Variants in PPP6R3 observed in about 807,000 individuals in gnomAD.
PPP6R3 encodes protein phosphatase 6 regulatory subunit 3, also known as serine/threonine-protein phosphatase 6 regulatory subunit 3.
In PPP6R3, 38 loss-of-function variants were observed where a neutral mutation model predicts 110.7. The ratio of observed to expected loss-of-function variants is 0.34; its 90% CI spans 0.26 to 0.45. PPP6R3 has a LOEUF of 0.45. Ranked by LOEUF, PPP6R3 falls within the 20% of genes least tolerant of loss-of-function variation. PPP6R3 has a pLI of 1.00. For missense variants in PPP6R3, 870 were observed against 1,062.4 expected (o/e 0.82, Z 2.52); for synonymous variants, 369 against 373.5 (o/e 0.99, Z 0.14).
At chr11:68,488,514 C>G (rs1024684372) in intron 1 of PPP6R3, 2 of 152,020 alleles carry the variant, frequency 1.3e-5, no homozygotes, top group Non-Finnish European at 2.9e-5. Context: ...TTTAAAGTGG[C>G]TTTGTTTTCT....
intron 19 of PPP6R3, among the ~76,000 whole-genome samples, chr11:68,596,847 C>T (rs1410620480): frequency 1.3e-5 from 2 of 152,208 alleles, no homozygotes; most frequent in African/African-American, 4.8e-5. Context: ...TGGCCAGTCT[C>T]TGATTGCCCT....
chr11:68,488,370 C>T (rs565967896), intron 1 of PPP6R3, among the ~76,000 whole-genome samples: 3 of 152,240 alleles, frequency 2.0e-5, no homozygotes, highest in South Asian at 2.1e-4. Flanking sequence ...GATGGTGTCT[C>T]GCTGTGTTTC....
intron 3 of PPP6R3, among the ~76,000 whole-genome samples, chr11:68,539,381 C>G (rs545073816): frequency 1.3e-5 from 2 of 152,306 alleles, no homozygotes; most frequent in South Asian, 4.2e-4. Flanking sequence ...CACAAAAGTA[C>G]TGCGCACCCC....
intron 14 of PPP6R3, among the ~76,000 whole-genome samples, chr11:68,578,526 C>G (rs1017178390): frequency 6.6e-6 from 1 of 152,190 alleles, no homozygotes; most frequent in Non-Finnish European, 1.5e-5. Flanking sequence ...CAGGTATATT[C>G]ATAGAAGTGG....
At chr11:68,523,265 G>A (rs1448206036) in intron 2 of PPP6R3, among the ~76,000 whole-genome samples, 1 of 152,162 alleles carries the variant, frequency 6.6e-6, no homozygotes, top group Non-Finnish European at 1.5e-5. Flanking sequence ...TCTGCCTCAT[G>A]CCTTCCTCTG....
Position 68,614,696 on chromosome 11 carries a change from A to AGG in PPP6R3, c.*1581_*1582dup, listed in dbSNP as rs770058779. ...GCAGTAAGCCCTGGGACAGGTGGCA[A>AGG]GGGTGGGTCCCTTGACCTTTGCACG... On this transcript the variant is annotated 3_prime_UTR_variant, in exon 24 of 24. Transcript: ENST00000393800. 2 of 1,525,482 alleles carry AGG rather than the reference A, an allele frequency of 1.3e-6. No homozygotes were observed. 94.5% of individuals were successfully genotyped at this position (1,525,482 alleles called of 1,614,324 possible).
At chr11:68,562,562 T>C (rs1471540986) in intron 8 of PPP6R3, among the ~76,000 whole-genome samples, 3 of 152,178 alleles carry the variant, frequency 2.0e-5, no homozygotes, top group East Asian at 1.9e-4. Context: ...GGTGAAAGAA[T>C]AGACATACAG....
chr11:68,538,526 C>T (rs904131483), intron 3 of PPP6R3, among the ~76,000 whole-genome samples: 1 of 152,096 alleles, frequency 6.6e-6, no homozygotes, highest in African/African-American at 2.4e-5. Context: ...CTCTTTTCCC[C>T]CCAGAAAATA....
At chr11:68,605,061 C>T (rs1468262404) in intron 22 of PPP6R3, among the ~76,000 whole-genome samples, 4 of 152,074 alleles carry the variant, frequency 2.6e-5, no homozygotes, top group South Asian at 2.1e-4. Flanking sequence ...TAAAGCTGGC[C>T]GAGTGTGGTG....
chr11:68,548,657 A>G (rs2099358704), intron 5 of PPP6R3, among the ~76,000 whole-genome samples: 2 of 152,184 alleles, frequency 1.3e-5, no homozygotes, highest in South Asian at 4.1e-4. Context: ...CAGGCTTCAG[A>G]AGTAATTCTC....
intron 16 of PPP6R3, among the ~76,000 whole-genome samples, chr11:68,588,715 G>C (rs1286599782): frequency 6.7e-6 from 1 of 149,914 alleles, no homozygotes; most frequent in African/African-American, 2.5e-5. Flanking sequence ...ATAGTGCTGG[G>C]ATTACAGGCG....
Position 68,615,045 on chromosome 11 carries a change from G to A in PPP6R3, c.*1928G>A, listed in dbSNP as rs59291393. ...CTTCTCCATCCTACCCAAGGTAACAGTGTCTTGCTTCATCCCACTGACTGC... is the reference window on the plus strand; with the variant it reads ...CTTCTCCATCCTACCCAAGGTAACAATGTCTTGCTTCATCCCACTGACTGC... On this transcript the variant is annotated 3_prime_UTR_variant, in exon 24 of 24. Transcript: ENST00000393800. 8.0e-4 allele frequency: 392 copies of A among 491,194 alleles called. 1 individual carries two copies. The highest frequency in any genetic ancestry group is 6.8e-3 in the African/African-American group (354 of 51,740). The allele number at this position is 491,194 out of a possible 1,614,324, so 30.4% of individuals were successfully genotyped here.
At chr11:68,581,576 T>C (rs1593530669) in intron 14 of PPP6R3, among the ~76,000 whole-genome samples, 1 of 152,240 alleles carries the variant, frequency 6.6e-6, no homozygotes, top group Non-Finnish European at 1.5e-5. Flanking sequence ...GCCAGCCAAG[T>C]GGCCCGAAGC....
intron 1 of PPP6R3, among the ~76,000 whole-genome samples, chr11:68,516,082 ACATTTTTGT>A (rs1407164015): frequency 6.6e-6 from 1 of 152,170 alleles, no homozygotes; most frequent in Non-Finnish European, 1.5e-5. Context: ...TATTCAAAAT[ACATTTTTGT>A]CATTTTTGTG....
At chr11:68,531,316 T>TTTATTTAC (rs2099238578) in intron 2 of PPP6R3, among the ~76,000 whole-genome samples, 1 of 143,704 alleles carries the variant, frequency 7.0e-6, no homozygotes, top group South Asian at 2.2e-4. Context: ...GTTTTATTTA[T>TTTATTTAC]TTATTTATTT....
intron 18 of PPP6R3, among the ~76,000 whole-genome samples, chr11:68,595,183 C>G (rs896209590): frequency 3.4e-5 from 5 of 146,128 alleles, no homozygotes; most frequent in African/African-American, 1.3e-4. Flanking sequence ...TCACCAAAAA[C>G]ACAATACATA....
At position 68,557,769 on chromosome 11, in the gene PPP6R3, C is replaced by T. The variant is rs545089532; in HGVS notation, c.732-797C>T. Among the ~76,000 whole-genome samples the T allele has an allele frequency of 1.1e-3, 160 of 152,342 alleles. 2 individuals carry two copies. Among genetic ancestry groups the T allele is most frequent in the Non-Finnish European group, 1.6e-3 (108 of 68,022 alleles). ...TCCTGACCTTGTGATCCGCCTGCCT[C>T]GGCCTCCCAAAGTGTGGGGATTACA... On this transcript the variant is annotated intron_variant, in intron 7 of 23. Transcript: ENST00000393800.
intron 1 of PPP6R3, among the ~76,000 whole-genome samples, chr11:68,473,706 G>A (rs2098808483): frequency 6.6e-6 from 1 of 152,218 alleles, no homozygotes; most frequent in South Asian, 2.1e-4. Flanking sequence ...CCCACCTGGT[G>A]TCTGCTGCAG....
intron 1 of PPP6R3, among the ~76,000 whole-genome samples, chr11:68,473,198 C>G (rs964029221): frequency 2.6e-5 from 4 of 152,212 alleles, no homozygotes; most frequent in South Asian, 4.1e-4. Flanking sequence ...AGGGTTGGGA[C>G]TTTCAGCTCC....
Sources: gnomAD v4.1 joint callset for allele counts (sites outside exome capture counted in the v4.1 genomes callset) on GRCh38, gnomAD v4.1.1 for gene constraint, MANE v1.5 for transcripts, NCBI Gene and HGNC (gene_info 2026-07-23, HGNC 2026-07-21) for gene names.